The following SHANK2 variants were observed in gnomAD, a reference collection of about 807,000 sequenced individuals.
SHANK2 encodes the protein SH3 and multiple ankyrin repeat domains protein 2.
A neutral mutation model predicts 133.7 loss-of-function variants in SHANK2; 43 were observed. The ratio of observed to expected loss-of-function variants is 0.32; its 90% CI spans 0.25 to 0.41. The LOEUF (loss-of-function observed/expected upper bound fraction) is 0.41. SHANK2 is among the 10% of genes least tolerant of loss of function. The probability of loss-of-function intolerance (pLI) is 1.00; values close to 1 mark genes in which losing one functional copy is unlikely to be tolerated. For missense variants in SHANK2, 1,994 were observed against 2,235.8 expected, an observed-to-expected ratio of 0.89 and a Z score of 2.18; for synonymous variants, 1,017 against 952.8, an observed-to-expected ratio of 1.07 and a Z score of -1.24.
intron 1 of SHANK2, among the ~76,000 whole-genome samples, chr11:71,237,528 C>T (rs1172874446): frequency 6.6e-6 from 1 of 152,216 alleles, no homozygotes; most frequent in Non-Finnish European, 1.5e-5. Context: ...CGACCCTCAA[C>T]TTAACAGTGG....
chr11:71,164,539 C>T (rs761612966), intron 2 of SHANK2, among the ~76,000 whole-genome samples: 11 of 152,096 alleles, frequency 7.2e-5, no homozygotes, highest in East Asian at 1.9e-4. Context: ...TGACAGCTGC[C>T]GCACCTTCTA....
chr11:70,730,667 C>A (rs1483377747), intron 14 of SHANK2, among the ~76,000 whole-genome samples: 1 of 152,178 alleles, frequency 6.6e-6, no homozygotes, highest in Admixed American at 6.5e-5. Flanking sequence ...GCCAGCATCT[C>A]CTCCTCTCCC....
chr11:71,111,147 G>A (rs920668566), intron 5 of SHANK2, among the ~76,000 whole-genome samples: 1 of 152,200 alleles, frequency 6.6e-6, no homozygotes, highest in African/African-American at 2.4e-5. Flanking sequence ...TAAAAGCAGC[G>A]TAAATGGCCT....
intron 10 of SHANK2, among the ~76,000 whole-genome samples, chr11:70,914,243 T>A (rs1374892445): frequency 6.6e-6 from 1 of 152,050 alleles, no homozygotes. Context: ...CAGGAACAAG[T>A]GTGCAATGGG....
chr11:70,912,079 C>CAAAAAAAAAAAA (rs536602235), intron 10 of SHANK2, among the ~76,000 whole-genome samples: 3 of 81,228 alleles, frequency 3.7e-5, no homozygotes, highest in African/African-American at 9.3e-5. Context: ...GAGACTCTGT[C>CAAAAAAAAAAAA]AAAAAAAAAA....
intron 3 of SHANK2, among the ~76,000 whole-genome samples, chr11:71,119,539 C>T (rs1952044648): frequency 6.7e-6 from 1 of 148,434 alleles, no homozygotes; most frequent in Admixed American, 6.7e-5. Context: ...GAGATTGCAC[C>T]ACTGCACTCC....
At chr11:70,495,043 C>A (rs1555156788) in intron 21 of SHANK2, among the ~76,000 whole-genome samples, 1 of 152,216 alleles carries the variant, frequency 6.6e-6, no homozygotes, top group East Asian at 1.9e-4. Flanking sequence ...TAGGAAACAC[C>A]CGATTCTCAT....
chr11:70,728,793 C>T (rs527519719), intron 14 of SHANK2, among the ~76,000 whole-genome samples: 22 of 152,338 alleles, frequency 1.4e-4, no homozygotes, highest in African/African-American at 4.3e-4. Flanking sequence ...CCTTCTCCTA[C>T]GCATGCCCTC....
intron 12 of SHANK2, among the ~76,000 whole-genome samples, chr11:70,811,675 T>C (rs1375773375): frequency 2.0e-5 from 3 of 150,858 alleles, no homozygotes; most frequent in Non-Finnish European, 4.4e-5. Context: ...TATTCATCCA[T>C]CCATTCATCC....
chr11:70,560,233 T>C (rs2059889975), intron 17 of SHANK2, among the ~76,000 whole-genome samples: 1 of 152,144 alleles, frequency 6.6e-6, no homozygotes, highest in South Asian at 2.1e-4. Context: ...GGTGAGTAAT[T>C]CTATATACTA....
chr11:70,760,671 A>G (rs1591821019), intron 14 of SHANK2, among the ~76,000 whole-genome samples: 1 of 152,362 alleles, frequency 6.6e-6, no homozygotes, highest in Middle Eastern at 3.4e-3. Flanking sequence ...TGTGCAGCAC[A>G]GGGAGCGGCT....
chr11:70,933,108 C>A (rs1164172844), intron 10 of SHANK2: 1 of 456,398 alleles, frequency 2.2e-6, no homozygotes, highest in Non-Finnish European at 4.4e-6. Context: ...AAGGCGGGAG[C>A]AGCTCAGTGT....
intron 14 of SHANK2, among the ~76,000 whole-genome samples, chr11:70,729,397 G>A (rs781852656): frequency 1.3e-5 from 2 of 152,112 alleles, no homozygotes; most frequent in Non-Finnish European, 2.9e-5. Context: ...GAAATAGGGA[G>A]GAAGTAACTG....
At chr11:70,624,738 C>T (rs2060881242) in intron 17 of SHANK2, among the ~76,000 whole-genome samples, 2 of 152,068 alleles carry the variant, frequency 1.3e-5, no homozygotes, top group Non-Finnish European at 2.9e-5. Context: ...TGCTGGACAC[C>T]CCACAGTGTG....
chr11:71,154,074 C>T (rs1172476324), intron 2 of SHANK2, among the ~76,000 whole-genome samples: 1 of 152,126 alleles, frequency 6.6e-6, no homozygotes, highest in East Asian at 1.9e-4. Flanking sequence ...TATGGAATCT[C>T]TGAGAGACAC....
intron 17 of SHANK2, 108 bp downstream of exon 17, chr11:70,659,720 C>G: frequency 7.1e-7 from 1 of 1,403,218 alleles, no homozygotes; most frequent in South Asian, 1.2e-5. Flanking sequence ...GCAGCCTCCA[C>G]AAGCACCCCC....
At chr11:70,531,692 T>C (rs1485205297) in intron 17 of SHANK2, among the ~76,000 whole-genome samples, 2 of 152,148 alleles carry the variant, frequency 1.3e-5, no homozygotes, top group Non-Finnish European at 2.9e-5. Context: ...ACCTCGGGGC[T>C]GGCATGGGGA....
chr11:71,086,493 G>T (rs1951421022), intron 8 of SHANK2, among the ~76,000 whole-genome samples: 2 of 131,926 alleles, frequency 1.5e-5, no homozygotes, highest in African/African-American at 2.9e-5. Context: ...ATATAATTAT[G>T]TAATACATAA....
intron 14 of SHANK2, among the ~76,000 whole-genome samples, chr11:70,779,925 A>G (rs1380713330): frequency 6.6e-6 from 1 of 151,706 alleles, no homozygotes; most frequent in Non-Finnish European, 1.5e-5. Flanking sequence ...CTGGGTGGGC[A>G]TGGACATCAT....
Sources: allele counts gnomAD v4.1 joint callset (sites outside exome capture counted in the v4.1 genomes callset), GRCh38; gene constraint gnomAD v4.1.1; transcripts MANE v1.5; gene names NCBI Gene and HGNC (gene_info 2026-07-23, HGNC 2026-07-21).